RAMACL: variants seen among roughly 807,000 people sequenced by gnomAD.
RAMACL encodes the protein RNA guanine-N7 methyltransferase-activating subunit-like protein.
In RAMACL, 9 loss-of-function variants were observed where a neutral mutation model predicts 13.4. That is an observed-to-expected ratio of 0.67 (90% CI 0.41 to 1.17). The LOEUF (loss-of-function observed/expected upper bound fraction) is 1.17. Ranked by LOEUF, RAMACL falls within the 50% of genes most tolerant of loss-of-function variation. RAMACL has a pLI of 0.01. For synonymous variants in RAMACL, 39 were observed against 49.3 expected (o/e 0.79, Z 0.88); for missense variants, 124 against 141.6 (o/e 0.88, Z 0.63).
rs1195222880 is a variant in RAMACL at position 166,586,448 on chromosome 6, A to C, written c.30T>G (p.Asn10Lys). ...ATCTACTAGCAAACATCTCTTCAAA[A>C]TTTGGAACAGCTTCGGCAGTGTCAG... Residue 10 changes from asparagine to lysine, a missense_variant, in exon 1 of 1, where the codon AAT becomes AAG. Physicochemically the swap from Asn to Lys is moderately conservative, Grantham distance 94 (BLOSUM62 0). Coordinates refer to ENST00000444122, the Ensembl canonical transcript of RAMACL. 7 of 1,599,324 alleles carry C rather than the reference A, an allele frequency of 4.4e-6. No individual in the cohort carries two copies. The South Asian group carries it at 6.6e-5, about 15-fold the overall frequency.
At chr6:166,585,229 C>T (rs1785131007), downstream of RAMACL, among the ~76,000 whole-genome samples, 1 of 152,172 alleles carries the variant, frequency 6.6e-6, no homozygotes, top group Non-Finnish European at 1.5e-5. Context: ...TGACTCGGGG[C>T]TGGGAAACGA....
chr6:166,586,438 T>C, exon 1 of RAMACL: 2 of 1,599,826 alleles, frequency 1.3e-6, no homozygotes, highest in East Asian at 2.2e-5. Context: ...CTAGCAAACA[T>C]CTCTTCAAAA....
downstream of RAMACL, among the ~76,000 whole-genome samples, chr6:166,584,508 C>T (rs972916263): frequency 7.9e-5 from 12 of 152,224 alleles, no homozygotes; most frequent in Admixed American, 7.9e-4. Flanking sequence ...TCAACATTTA[C>T]ATCTTACAAC....
chr6:166,583,583 G>A (rs1028531466), downstream of RAMACL, among the ~76,000 whole-genome samples: 1 of 152,224 alleles, frequency 6.6e-6, no homozygotes, highest in African/African-American at 2.4e-5. Flanking sequence ...TGACAAAGGA[G>A]AGACGCTCCT....
exon 1 of RAMACL, chr6:166,586,455 A>G: frequency 6.3e-7 from 1 of 1,599,026 alleles, no homozygotes; most frequent in Non-Finnish European, 8.5e-7. Context: ...AAAATTTGGA[A>G]CAGCTTCGGC....
At chr6:166,584,960 A>G (rs1390580636), downstream of RAMACL, among the ~76,000 whole-genome samples, 1 of 152,260 alleles carries the variant, frequency 6.6e-6, no homozygotes. Flanking sequence ...TTGGTGTGTC[A>G]TTCCCAAGAT....
downstream of RAMACL, among the ~76,000 whole-genome samples, chr6:166,583,409 T>A (rs531628743): frequency 6.6e-6 from 1 of 152,178 alleles, no homozygotes; most frequent in Non-Finnish European, 1.5e-5. Context: ...GGTGATTAAA[T>A]TGTTGAGCAA....
exon 1 of RAMACL, among the ~76,000 whole-genome samples, chr6:166,586,667 C>A (rs929736832): frequency 6.6e-6 from 1 of 151,976 alleles, no homozygotes; most frequent in African/African-American, 2.4e-5. Context: ...TGTAACCGAG[C>A]GCCTTCCTCT....
chr6:166,586,441 C>G (rs1455677911), exon 1 of RAMACL: 4 of 1,599,724 alleles, frequency 2.5e-6, no homozygotes, highest in Non-Finnish European at 3.4e-6. Flanking sequence ...GCAAACATCT[C>G]TTCAAAATTT....
At chr6:166,586,553 T>A (rs878900163) in exon 1 of RAMACL, 1 of 1,434,016 alleles carries the variant, frequency 7.0e-7, no homozygotes, top group East Asian at 2.3e-5. Flanking sequence ...GGGCTATGTC[T>A]ATCCAGCTCA....
At chr6:166,584,765 G>C (rs746734989), downstream of RAMACL, among the ~76,000 whole-genome samples, 34 of 152,342 alleles carry the variant, frequency 2.2e-4, no homozygotes, top group Non-Finnish European at 4.6e-4. Flanking sequence ...ATACGTTGAG[G>C]AGCTGTGAGC....
In RAMACL at chr6:166,586,232, C is replaced by T; in HGVS notation, c.246G>A (p.Trp82Ter). 3 of 1,593,672 alleles carry T rather than the reference C, an allele frequency of 1.9e-6. No homozygotes were observed. The East Asian group carries it at 6.7e-5, about 36-fold the overall frequency. Residue 82 changes from tryptophan (W) to a stop codon, truncating the protein, a stop_gained, in exon 1 of 1, where the codon TGG becomes TGA. Transcript: ENST00000444122. LOFTEE classifies it high-confidence loss of function. ...AGTTGTTACCCCAGGATCGTCCATG[C>T]CACTGATTGGATCGATTGTCACTTG...
At chr6:166,583,944 T>C (rs1785095926), downstream of RAMACL, among the ~76,000 whole-genome samples, 4 of 152,242 alleles carry the variant, frequency 2.6e-5, no homozygotes, top group South Asian at 8.3e-4. Flanking sequence ...CCCATAGTGA[T>C]AGTGACCCTC....
exon 1 of RAMACL, chr6:166,586,463 G>C: frequency 6.3e-7 from 1 of 1,598,232 alleles, no homozygotes; most frequent in East Asian, 2.2e-5. Flanking sequence ...GAACAGCTTC[G>C]GCAGTGTCAG....
At chr6:166,586,222 A>G (rs1785166269) in exon 1 of RAMACL, 14 of 1,591,840 alleles carry the variant, frequency 8.8e-6, no homozygotes, top group Non-Finnish European at 1.2e-5. Context: ...TTACCCCAGG[A>G]TCGTCCATGC....
At chr6:166,586,123 A>G in exon 1 of RAMACL, 1 of 1,447,130 alleles carries the variant, frequency 6.9e-7, no homozygotes, top group South Asian at 1.2e-5. Context: ...CATTTCTATC[A>G]GTAGTAACCG....
At chr6:166,586,223 T>C in exon 1 of RAMACL, 1 of 1,592,270 alleles carries the variant, frequency 6.3e-7, no homozygotes, top group South Asian at 1.1e-5. Context: ...TACCCCAGGA[T>C]CGTCCATGCC....
downstream of RAMACL, among the ~76,000 whole-genome samples, chr6:166,585,120 AAAG>A (rs1785128004): frequency 5.9e-5 from 9 of 152,346 alleles, no homozygotes; most frequent in South Asian, 1.7e-3. Flanking sequence ...TCGAGTTTCA[AAAG>A]AAGATCATAA....
exon 1 of RAMACL, chr6:166,586,507 G>T (rs1785178914): frequency 6.3e-7 from 1 of 1,580,720 alleles, no homozygotes; most frequent in Non-Finnish European, 8.6e-7. Flanking sequence ...TGAGGCAGCT[G>T]TATTGCTTAA....
Sources: allele counts gnomAD v4.1 joint callset (sites outside exome capture counted in the v4.1 genomes callset), GRCh38; gene constraint gnomAD v4.1.1; transcripts MANE v1.5; gene names NCBI Gene and HGNC (gene_info 2026-07-23, HGNC 2026-07-21).